The following HEATR5B variants were observed in gnomAD, a reference collection of about 807,000 sequenced individuals.
The protein encoded by HEATR5B is HEAT repeat containing 5B.
HEATR5B carries 156 observed loss-of-function variants against 224.1 expected under a neutral mutation model. The ratio of observed to expected loss-of-function variants is 0.70; its 90% CI spans 0.61 to 0.80. The LOEUF (loss-of-function observed/expected upper bound fraction) is 0.80. Ranked by LOEUF, HEATR5B falls within the 30% of genes least tolerant of loss-of-function variation. The pLI is 0.00. For synonymous variants in HEATR5B, 1,027 were observed against 893.0 expected, an observed-to-expected ratio of 1.15 and a Z score of -2.68; for missense variants, 2,323 against 2,535.5, an observed-to-expected ratio of 0.92 and a Z score of 1.80.
chr2:37,021,398 C>T (rs1295381299), intron 24 of HEATR5B, among the ~76,000 whole-genome samples: 1 of 152,196 alleles, frequency 6.6e-6, no homozygotes, highest in South Asian at 2.1e-4. Context: ...AAGGAATCTT[C>T]GGAATACATA....
In HEATR5B at chr2:37,000,781, A is replaced by G. The variant is rs1318880774; in HGVS notation, c.5350T>C (p.Leu1784=). Reference sequence around the variant, plus strand: ...GTGTCTTTCAATATTCTTGCAATTAAGAACAGAATTGTGGGCAGGATTGTC... The same window carrying G: ...GTGTCTTTCAATATTCTTGCAATTAGGAACAGAATTGTGGGCAGGATTGTC... ...CMTILPTILF[L]IARILKDTAI... is the part of the protein sequence containing the mutation. Residue 1784 remains leucine (L), a synonymous_variant, in exon 33 of 36, where the codon TTA becomes CTA. Transcript: ENST00000233099. The G allele has an allele frequency of 6.2e-7, 1 of 1,614,098 alleles. No individual in the cohort carries two copies. The highest frequency in any genetic ancestry group is 8.5e-7 in the Non-Finnish European group (1 of 1,179,914).
chr2:36,981,102 T>G lies in HEATR5B; in HGVS notation c.*388A>C, dbSNP rs531413907. On this transcript the variant is annotated 3_prime_UTR_variant, in exon 36 of 36. Transcript: ENST00000233099. ...ATTACTTCAAAATTTAAAATCTGCT[T>G]GTTTTTCAATTGATTTTTTTCATGA... is the stretch of plus-strand genomic sequence containing the variant. The G allele has an allele frequency of 6.9e-5, 11 of 159,128 alleles. No homozygotes were observed. In the East Asian group the frequency reaches 1.7e-3, roughly 24 times the overall value. The allele number at this position is 159,128 out of a possible 1,614,324, so 9.9% of individuals were successfully genotyped here. A position where few individuals can be genotyped will look rare whatever the true frequency, so the allele number is the denominator to read the frequency against.
chr2:37,045,966 T>C (rs1371628090), intron 18 of HEATR5B, among the ~76,000 whole-genome samples: 1 of 152,260 alleles, frequency 6.6e-6, no homozygotes, highest in African/African-American at 2.4e-5. Context: ...GTCCCTGTTA[T>C]TCCACCACTA....
chr2:37,065,869 C>A lies in HEATR5B; in HGVS notation c.1219G>T (p.Ala407Ser). 6.2e-7 allele frequency: 1 copy of A among 1,613,376 alleles called. No homozygotes were observed. Among genetic ancestry groups the A allele is most frequent in the Non-Finnish European group, 8.5e-7 (1 of 1,179,446 alleles). The change falls in exon 9 of 36, where the codon GCA becomes TCA. Residue 407 changes from alanine to serine, a missense_variant. Transcript: ENST00000233099. Reference protein sequence around the residue: ...NDTSGENKSGAADIAASQHVM... With the variant: ...NDTSGENKSGSADIAASQHVM... The stretch of plus-strand genomic sequence containing the variant: ...TGCTGGCTTGCTGCAATGTCTGCTG[C>A]GCCAGATTTGTTTTCTCCACTTGTG...
chr2:37,077,010 C>T lies in HEATR5B; in HGVS notation c.348G>A (p.Val116=). ...TTTCATAAAATGCTCCGACACAAGC[C>T]ACCGCAGCCCTGTAAGAAGTGACAA... is the stretch of plus-strand genomic sequence containing the variant. ...AAYLPTKLAA[V]ACVGAFYEKM... is the part of the protein sequence containing the mutation. Residue 116 remains valine (V), a synonymous_variant, in exon 4 of 36, where the codon GTG becomes GTA. Transcript: ENST00000233099. The T allele has an allele frequency of 6.2e-7, 1 of 1,613,476 alleles. No individual in the cohort carries two copies. Among genetic ancestry groups the T allele is most frequent in the Non-Finnish European group, 8.5e-7 (1 of 1,179,480 alleles).
chr2:37,020,830 A>G lies in HEATR5B; in HGVS notation c.3860T>C (p.Leu1287Pro). The change falls in exon 25 of 36, where the codon CTC becomes CCC. Residue 1287 changes from leucine to proline, a missense_variant. Coordinates refer to ENST00000233099, the MANE Select transcript of HEATR5B (RefSeq NM_019024.3). ...SAKLRNPTND[L>P]LVLHLSDLIR... ...GAGGTCAGAGAGATGAAGTACCAAG[A>G]GGTCATCTAAAAATAAAAATAGAAT... 6.7e-7 allele frequency: 1 copy of G among 1,496,220 alleles called. No individual in the cohort carries two copies. 92.7% of individuals were successfully genotyped at this position (1,496,220 alleles called of 1,614,324 possible).
At chr2:36,984,215 A>AAATATAT in intron 35 of HEATR5B, among the ~76,000 whole-genome samples, 4 of 77,644 alleles carry the variant, frequency 5.2e-5, no homozygotes, top group African/African-American at 2.3e-4. Flanking sequence ...AAAAAAAAAA[A>AAATATAT]ATATATATAT....
Position 37,060,628 on chromosome 2 carries a change from G to C in HEATR5B, c.1802C>G (p.Ser601Cys). The change falls in exon 12 of 36, where the codon TCT (serine) becomes TGT (cysteine). Residue 601 changes from serine (S) to cysteine (C), a missense_variant. Ser to Cys is a moderately radical substitution (Grantham distance 112). This residue lies in a region of HEATR5B where 502 missense variants were observed against 517.8 expected (regional missense o/e 0.97). Coordinates refer to ENST00000233099, the MANE Select transcript of HEATR5B (RefSeq NM_019024.3). The stretch of plus-strand genomic sequence containing the variant: ...TTCCAAAGTTACCTGCCAGGTAAAA[G>C]AATCGCCTCGGGCCTTCTCAGCTTC... ...ELEAEKARGDSFTWQVTLEGR... is the reference protein window; with the variant it reads ...ELEAEKARGDCFTWQVTLEGR... 1 of 1,613,894 alleles carries C rather than the reference G, an allele frequency of 6.2e-7. No individual in the cohort carries two copies. Among genetic ancestry groups the C allele is most frequent in the East Asian group, 2.2e-5 (1 of 44,862 alleles).
chr2:37,059,446 G>GTGTATATATA (rs1354982525), intron 12 of HEATR5B, among the ~76,000 whole-genome samples: 1 of 42,312 alleles, frequency 2.4e-5, no homozygotes, highest in African/African-American at 8.0e-5. Context: ...GTGTGTGTGT[G>GTGTATATATA]TATATATATA....
At chr2:37,067,722 A>T (rs1671670466) in intron 8 of HEATR5B, among the ~76,000 whole-genome samples, 1 of 152,240 alleles carries the variant, frequency 6.6e-6, no homozygotes, top group African/African-American at 2.4e-5. Context: ...TAGTGAGCCA[A>T]GATCGCACCA....
intron 17 of HEATR5B, among the ~76,000 whole-genome samples, chr2:37,051,354 C>CAAAAAAAAAAAAAAA: frequency 1.5e-5 from 1 of 66,040 alleles, no homozygotes; most frequent in Non-Finnish European, 2.8e-5. Flanking sequence ...AACTCCATCT[C>CAAAAAAAAAAAAAAA]AAAAAAAAAA....
At chr2:37,004,181 T>C (rs192849432) in intron 30 of HEATR5B, among the ~76,000 whole-genome samples, 1 of 152,088 alleles carries the variant, frequency 6.6e-6, no homozygotes, top group East Asian at 1.9e-4. Context: ...TGAACCTAAA[T>C]GAAATTTCAA....
At chr2:37,059,466 T>A (rs868660444) in intron 12 of HEATR5B, among the ~76,000 whole-genome samples, 3,817 of 106,348 alleles carry the variant, frequency 0.036, 127 homozygotes, top group Non-Finnish European at 0.044. Flanking sequence ...ATATATATAT[T>A]TTTTTTTTTT....
chr2:37,045,872 C>G (rs1429463732), intron 18 of HEATR5B, among the ~76,000 whole-genome samples: 1 of 152,216 alleles, frequency 6.6e-6, no homozygotes, highest in African/African-American at 2.4e-5. Flanking sequence ...CTGTCCTATG[C>G]TGGCTGTTGT....
At chr2:36,984,237 T>TAATATATATATAA (rs1665800585) in intron 35 of HEATR5B, among the ~76,000 whole-genome samples, 1 of 112,040 alleles carries the variant, frequency 8.9e-6, no homozygotes, top group Non-Finnish European at 1.9e-5. Context: ...TATATATATA[T>TAATATATATATAA]AAAACTGGAA....
intron 30 of HEATR5B, among the ~76,000 whole-genome samples, chr2:37,004,196 G>A (rs1312099118): frequency 1.3e-5 from 2 of 151,834 alleles, no homozygotes; most frequent in South Asian, 2.1e-4. Context: ...TTTCAAAGAG[G>A]GGGAAAAGAC....
chr2:37,055,003 T>C (rs1022337473), intron 16 of HEATR5B: 2 of 280,290 alleles, frequency 7.1e-6, no homozygotes, highest in Non-Finnish European at 1.5e-5. Context: ...AAAACTCATA[T>C]GAAGATACAG....
chr2:36,985,899 C>T (rs1046134409), intron 35 of HEATR5B, among the ~76,000 whole-genome samples: 7 of 151,794 alleles, frequency 4.6e-5, no homozygotes, highest in African/African-American at 1.7e-4. Context: ...ATTGCTAAAG[C>T]CTAACTAGCT....
chr2:37,040,911 G>GA (rs1325655165), intron 19 of HEATR5B: 1 of 481,018 alleles, frequency 2.1e-6, no homozygotes, highest in Non-Finnish European at 3.6e-6. Context: ...ACAATAAAAA[G>GA]AAAATATGTT....
Sources: gnomAD v4.1 joint callset for allele counts (sites outside exome capture counted in the v4.1 genomes callset) on GRCh38, gnomAD v4.1.1 for gene constraint, gnomAD v4.1.1 regional missense constraint, MANE v1.5 for transcripts, NCBI Gene and HGNC (gene_info 2026-07-23, HGNC 2026-07-21) for gene names.